Variants in AGBL4 observed in about 807,000 individuals in gnomAD.
AGBL4 encodes cytosolic carboxypeptidase 6.
A neutral mutation model predicts 66.4 loss-of-function variants in AGBL4; 58 were observed. That is an observed-to-expected ratio of 0.87 (90% CI 0.71 to 1.09). AGBL4 has a LOEUF of 1.09. AGBL4 is among the 50% of genes least tolerant of loss of function. AGBL4 has a pLI of 0.00. For missense variants in AGBL4, 579 were observed against 631.0 expected (o/e 0.92, Z 0.88); for synonymous variants, 234 against 222.9 (o/e 1.05, Z -0.44).
chr1:49,089,043 T>A (rs1644956211), intron 4 of AGBL4, among the ~76,000 whole-genome samples: 2 of 152,006 alleles, frequency 1.3e-5, no homozygotes, highest in East Asian at 3.9e-4. Context: ...CAAGAAATTC[T>A]TGGAAACTAA....
intron 4 of AGBL4, among the ~76,000 whole-genome samples, chr1:49,231,085 A>G (rs888071184): frequency 6.6e-6 from 1 of 152,214 alleles, no homozygotes; most frequent in Non-Finnish European, 1.5e-5. Context: ...AGTAAATTGA[A>G]CAGTAATTCT....
At chr1:48,646,384 G>A (rs1188862341) in intron 8 of AGBL4, among the ~76,000 whole-genome samples, 1 of 152,164 alleles carries the variant, frequency 6.6e-6, no homozygotes, top group Admixed American at 6.5e-5. Context: ...TGCTGTTACA[G>A]AACAAATAGA....
rs139172055 is a variant in AGBL4 at position 49,526,398 on chromosome 1, T to C, written c.282+170915A>G. ...CATAAATATTTTACACAAATAAAAA[T>C]AGAAACTTCTAAACTGTGACCAGAA... On this transcript the variant is annotated intron_variant, in intron 3 of 13. Coordinates refer to ENST00000371839, the MANE Select transcript of AGBL4 (RefSeq NM_032785.4). 6.8e-3 allele frequency among the ~76,000 whole-genome samples: 1,031 copies of C among 152,168 alleles called. 12 individuals are homozygous for C. The highest frequency in any genetic ancestry group is 0.01 in the Non-Finnish European group (684 of 67,978).
intron 3 of AGBL4, among the ~76,000 whole-genome samples, chr1:49,467,047 A>T (rs565417738): frequency 2.0e-5 from 3 of 151,964 alleles, no homozygotes; most frequent in African/African-American, 7.2e-5. Context: ...TAATCATGAC[A>T]AAAAGGGATG....
chr1:49,789,699 A>T (rs761505494), intron 2 of AGBL4, among the ~76,000 whole-genome samples: 3 of 152,102 alleles, frequency 2.0e-5, no homozygotes, highest in Non-Finnish European at 4.4e-5. Flanking sequence ...ACAAATGAGA[A>T]AACATTCCAC....
At chr1:48,814,232 A>G (rs942800865) in intron 6 of AGBL4, among the ~76,000 whole-genome samples, 3 of 152,122 alleles carry the variant, frequency 2.0e-5, no homozygotes, top group African/African-American at 7.2e-5. Flanking sequence ...TTTAAACCTC[A>G]CTGGTGTAAT....
chr1:49,755,165 A>G (rs980318360), intron 2 of AGBL4, among the ~76,000 whole-genome samples: 1 of 152,214 alleles, frequency 6.6e-6, no homozygotes, highest in Non-Finnish European at 1.5e-5. Flanking sequence ...CCTTAAGATC[A>G]GTGTTATCTC....
At chr1:48,961,080 G>GGTGT (rs140660896) in intron 5 of AGBL4, among the ~76,000 whole-genome samples, 24,872 of 148,618 alleles carry the variant, frequency 0.17, 2,112 homozygotes, top group East Asian at 0.24. Flanking sequence ...CCCAGTCTGG[G>GGTGT]GTGTGTGTGT....
Position 49,808,126 on chromosome 1 carries a change from A to ATTT in AGBL4, c.157+43269_157+43270insAAA, listed in dbSNP as rs1645015793. Among the ~76,000 whole-genome samples the ATTT allele has an allele frequency of 2.0e-5, 3 of 152,234 alleles. No homozygotes were observed. The South Asian group carries it at 6.2e-4, about 31-fold the overall frequency. ...AGAGATTACCCTCAGATAAGAACAG[A>ATTT]AACAGTTCCTCCAGTAAAAGATGGA... On this transcript the variant is annotated intron_variant, in intron 2 of 13. Transcript: ENST00000371839.
chr1:48,893,234 C>T lies in AGBL4; in HGVS notation c.595-26004G>A, dbSNP rs968797623. Among the ~76,000 whole-genome samples, 3 of 152,182 alleles carry T rather than the reference C, an allele frequency of 2.0e-5. No homozygotes were observed. In the East Asian group the frequency reaches 5.8e-4, roughly 29 times the overall value. On this transcript the variant is annotated intron_variant, in intron 5 of 13. Coordinates refer to ENST00000371839, the MANE Select transcript of AGBL4 (RefSeq NM_032785.4). ...AGAGAATCTACCAACCTAAAATGTA[C>T]CCAGTCCCTGTTATGGACTGAATGT...
At chr1:49,458,962 G>A (rs1448370201) in intron 3 of AGBL4, among the ~76,000 whole-genome samples, 4 of 151,512 alleles carry the variant, frequency 2.6e-5, no homozygotes, top group South Asian at 2.1e-4. Context: ...TTCAGTTAGC[G>A]AATATTTTGT....
intron 1 of AGBL4, among the ~76,000 whole-genome samples, chr1:50,009,091 C>G (rs1340372951): frequency 6.6e-6 from 1 of 152,098 alleles, no homozygotes; most frequent in Non-Finnish European, 1.5e-5. Context: ...AACACCAATC[C>G]TACTATTTTG....
chr1:49,119,656 G>A (rs928894015), intron 4 of AGBL4, among the ~76,000 whole-genome samples: 1 of 152,194 alleles, frequency 6.6e-6, no homozygotes, highest in African/African-American at 2.4e-5. Context: ...ATGTGGTGCT[G>A]AGAAGAATGT....
At chr1:49,328,877 C>A (rs1299630629) in intron 3 of AGBL4, among the ~76,000 whole-genome samples, 3 of 152,126 alleles carry the variant, frequency 2.0e-5, no homozygotes, top group Non-Finnish European at 4.4e-5. Context: ...TATCCTTGGG[C>A]CATCTTAGTG....
At chr1:48,794,249 G>T (rs1645616515) in intron 6 of AGBL4, among the ~76,000 whole-genome samples, 1 of 152,162 alleles carries the variant, frequency 6.6e-6, no homozygotes, top group African/African-American at 2.4e-5. Flanking sequence ...AGGAGCACCT[G>T]CCCCATTCCA....
intron 4 of AGBL4, among the ~76,000 whole-genome samples, chr1:49,110,756 C>T (rs949331704): frequency 5.3e-5 from 8 of 152,080 alleles, no homozygotes; most frequent in African/African-American, 1.7e-4. Flanking sequence ...AGCTGCTGCC[C>T]ATTTCTCTGC....
At chr1:49,449,045 T>TTAA (rs1646220962) in intron 3 of AGBL4, among the ~76,000 whole-genome samples, 1 of 152,012 alleles carries the variant, frequency 6.6e-6, no homozygotes, top group Admixed American at 6.6e-5. Flanking sequence ...GTAAAATGAA[T>TTAA]TTATTAAGTC....
intron 6 of AGBL4, among the ~76,000 whole-genome samples, chr1:48,782,333 G>A (rs1478802082): frequency 6.6e-6 from 1 of 152,232 alleles, no homozygotes; most frequent in African/African-American, 2.4e-5. Context: ...GTTTTGCAGA[G>A]CCTTGGGTTA....
At chr1:48,679,204 T>C (rs1178136636) in intron 6 of AGBL4, among the ~76,000 whole-genome samples, 1 of 152,194 alleles carries the variant, frequency 6.6e-6, no homozygotes, top group East Asian at 1.9e-4. Flanking sequence ...GGAAAGAATG[T>C]AAGAGAATCA....
Sources: gnomAD v4.1 joint callset for allele counts (sites outside exome capture counted in the v4.1 genomes callset) on GRCh38, gnomAD v4.1.1 for gene constraint, MANE v1.5 for transcripts, NCBI Gene and HGNC (gene_info 2026-07-23, HGNC 2026-07-21) for gene names.